ZNF3: variants seen among roughly 807,000 people sequenced by gnomAD.
ZNF3 encodes the protein zinc finger protein 3.
Under a neutral mutation model 36.9 loss-of-function variants are expected in ZNF3, and 16 were observed. The observed-to-expected ratio is 0.43, with a 90% CI of 0.29 to 0.66. The LOEUF (loss-of-function observed/expected upper bound fraction) is 0.66, where lower values mean the gene tolerates loss of function less well. Among genes scored for constraint, ZNF3 ranks in the 30% least tolerant of loss-of-function variants. The pLI, the probability that ZNF3 is intolerant of heterozygous loss-of-function variation, is 0.13. For synonymous variants in ZNF3, 201 were observed against 201.9 expected (o/e 1.00, Z 0.04); for missense variants, 462 against 543.1 (o/e 0.85, Z 1.48).
chr7:100,066,562 T>A (rs561102188), downstream of ZNF3, among the ~76,000 whole-genome samples: 418 of 147,604 alleles, frequency 2.8e-3, no homozygotes, highest in African/African-American at 9.9e-3. Flanking sequence ...AACCCCATCT[T>A]TACTAAAAAT....
chr7:100,077,469 CA>C (rs202123831), intron 2 of ZNF3, 36 bp from the exon 3 acceptor site: 3 of 1,565,892 alleles, frequency 1.9e-6, no homozygotes, highest in East Asian at 2.3e-5. Context: ...AAAGATAATT[CA>C]AAAAAACCTC....
intron 5 of ZNF3, 85 bp from the exon 6 acceptor site, chr7:100,072,297 C>T (rs1203092613): frequency 8.8e-6 from 11 of 1,250,138 alleles, no homozygotes; most frequent in Non-Finnish European, 1.2e-5. Flanking sequence ...GTAACGAATA[C>T]TTACAGTGCC....
At chr7:100,065,346 C>T (rs1027935418), downstream of ZNF3, among the ~76,000 whole-genome samples, 2 of 151,540 alleles carry the variant, frequency 1.3e-5, no homozygotes, top group Non-Finnish European at 2.9e-5. Flanking sequence ...ATCGCTTGAA[C>T]CCGGGAGGCA....
rs911882954 is a variant in ZNF3 at position 100,070,162 on chromosome 7, T to C, written c.*981A>G. The C allele has an allele frequency of 2.1e-6, 2 of 967,152 alleles. No homozygotes were observed. Among genetic ancestry groups the C allele is most frequent in the African/African-American group, 3.7e-5 (2 of 53,492 alleles). The allele number at this position is 967,152 out of a possible 1,614,324, so 59.9% of individuals were successfully genotyped here. A position where few individuals can be genotyped will look rare whatever the true frequency, so the allele number is the denominator to read the frequency against. The stretch of plus-strand genomic sequence containing the variant: ...TTCTCTGGGCTTCGTTTTTTTGTTT[T>C]TTTGTTTTTTTTTTCTCCCTTTTGG... On this transcript the variant is annotated 3_prime_UTR_variant, in exon 6 of 6. Coordinates refer to ENST00000299667, the MANE Select transcript of ZNF3 (RefSeq NM_032924.5).
At chr7:100,080,216 C>G (rs1383491684) in intron 1 of ZNF3, among the ~76,000 whole-genome samples, 1 of 152,190 alleles carries the variant, frequency 6.6e-6, no homozygotes, top group Non-Finnish European at 1.5e-5. Flanking sequence ...ACACTGTGCT[C>G]CGAACTACTT....
In ZNF3 at chr7:100,070,649, C is replaced by T. The variant is rs1044450951; in HGVS notation, c.*494G>A. The T allele has an allele frequency of 2.1e-5, 21 of 989,600 alleles. No individual in the cohort carries two copies. The highest frequency in any genetic ancestry group is 5.8e-5 in the Admixed American group (1 of 17,196). The allele number at this position is 989,600 out of a possible 1,614,324, so 61.3% of individuals were successfully genotyped here. On this transcript the variant is annotated 3_prime_UTR_variant, in exon 6 of 6. Transcript: ENST00000299667. ...CTCAATGCCAAATTTCCATAATTAA[C>T]GAAATCATGAAACAAAACAGCATGT...
rs188874086 is a variant in ZNF3 at position 100,071,003 on chromosome 7, A to G, written c.*140T>C. On this transcript the variant is annotated 3_prime_UTR_variant, in exon 6 of 6. Transcript: ENST00000299667. Reference sequence around the variant, plus strand: ...CTGGTGTGATTTCTGGGAAAATTCAACGATTTGCCCCATCTGCCCCATTCT... The same window carrying G: ...CTGGTGTGATTTCTGGGAAAATTCAGCGATTTGCCCCATCTGCCCCATTCT... The G allele has an allele frequency of 2.9e-5, 43 of 1,462,574 alleles. 1 individual carries two copies. In the Middle Eastern group the frequency reaches 7.8e-4, roughly 27 times the overall value. The allele number at this position is 1,462,574 out of a possible 1,614,324, so 90.6% of individuals were successfully genotyped here. A position where few individuals can be genotyped will look rare whatever the true frequency, so the allele number is the denominator to read the frequency against.
chr7:100,066,205 C>T (rs144899539), downstream of ZNF3, among the ~76,000 whole-genome samples: 2 of 151,990 alleles, frequency 1.3e-5, no homozygotes, highest in Non-Finnish European at 2.9e-5. Flanking sequence ...CAAATCAAAG[C>T]CTTATCCTGT....
exon 6 of ZNF3, chr7:100,064,598 G>C (rs1792541367): frequency 6.2e-7 from 1 of 1,613,898 alleles, no homozygotes; most frequent in African/African-American, 1.3e-5. Context: ...GTCCACACTG[G>C]AGAGGGAGAA....
chr7:100,069,789 T>G (rs1456836116), downstream of ZNF3, among the ~76,000 whole-genome samples: 1 of 152,116 alleles, frequency 6.6e-6, no homozygotes, highest in Admixed American at 6.6e-5. Context: ...AATTTTGTGT[T>G]TTTAGTAGAG....
At chr7:100,074,071 C>G (rs919829047) in intron 5 of ZNF3, among the ~76,000 whole-genome samples, 7 of 151,970 alleles carry the variant, frequency 4.6e-5, no homozygotes, top group African/African-American at 1.7e-4. Flanking sequence ...AGGAGAATTG[C>G]TTGAACGCAG....
Position 100,071,074 on chromosome 7 carries a change from G to GA in ZNF3, c.*68dup. On this transcript the variant is annotated 3_prime_UTR_variant, in exon 6 of 6. Transcript: ENST00000299667. ...TGAAAGGGACACATCCTAAGCTGTT[G>GA]AGATTTATAGGGTAAGGCAAGAGCT... 1.3e-6 allele frequency: 2 copies of GA among 1,517,734 alleles called. No individual in the cohort carries two copies. Among genetic ancestry groups the GA allele is most frequent in the Non-Finnish European group, 1.8e-6 (2 of 1,136,038 alleles). 94.0% of individuals were successfully genotyped at this position (1,517,734 alleles called of 1,614,324 possible).
At chr7:100,065,689 T>G (rs1193330207), downstream of ZNF3, among the ~76,000 whole-genome samples, 6 of 151,740 alleles carry the variant, frequency 4.0e-5, no homozygotes, top group Non-Finnish European at 8.8e-5. Context: ...GGGCAGGGTG[T>G]GCAGGAGTTT....
Position 100,072,066 on chromosome 7 carries a change from G to A in ZNF3, c.418C>T (p.Leu140=). The change falls in exon 6 of 6, where the codon CTG becomes TTG. Residue 140 remains leucine (L), a synonymous_variant. Transcript: ENST00000299667. ...AGTCTTTCTCCAGGGGAGTTCCCCA[G>A]CGGCCTTTTCAGACTGACTTCTCGT... is the stretch of plus-strand genomic sequence containing the variant. ...YEREVSLKRP[L]GNSPGERLNR... is the part of the protein sequence containing the mutation. 6.2e-7 allele frequency: 1 copy of A among 1,614,186 alleles called. No individual in the cohort carries two copies. Among genetic ancestry groups the A allele is most frequent in the Non-Finnish European group, 8.5e-7 (1 of 1,180,050 alleles).
At chr7:100,077,611 G>A (rs533069941) in intron 2 of ZNF3, 178 bp from the exon 3 acceptor site, 1 of 437,378 alleles carries the variant, frequency 2.3e-6, no homozygotes, top group Non-Finnish European at 3.7e-6. Context: ...GTGGAGAACA[G>A]GGTCTCGCTA....
chr7:100,071,855 T>A lies in ZNF3; in HGVS notation c.629A>T (p.Asn210Ile), dbSNP rs1393672199. The A allele has an allele frequency of 6.2e-7, 1 of 1,613,984 alleles. No individual in the cohort carries two copies. Among genetic ancestry groups the A allele is most frequent in the African/African-American group, 1.3e-5 (1 of 74,934 alleles). The change falls in exon 6 of 6, where the codon AAT (asparagine) becomes ATT (isoleucine). Residue 210 changes from asparagine (N) to isoleucine (I), a missense_variant. By Grantham distance (149) the Asn-to-Ile change is moderately radical. Transcript: ENST00000299667. ...HKCDECSKSF[N>I]RTSDLIQHQR... ...ATGTTGAATAAGGTCTGAAGTTCGA[T>A]TAAAGCTCTTGCTACATTCATCACA... is the stretch of plus-strand genomic sequence containing the variant.
downstream of ZNF3, among the ~76,000 whole-genome samples, chr7:100,068,825 T>A (rs923647835): frequency 6.8e-6 from 1 of 147,372 alleles, no homozygotes; most frequent in South Asian, 2.2e-4. Flanking sequence ...ACCCAGCTAA[T>A]TTTTTTTTTG....
At chr7:100,077,865 G>A (rs1794373103) in intron 2 of ZNF3, 1 of 153,014 alleles carries the variant, frequency 6.5e-6, no homozygotes, top group Non-Finnish European at 1.5e-5. Context: ...AAGTAGCTGG[G>A]ATTACAGGCA....
rs774954694 is a variant in ZNF3 at position 100,071,173 on chromosome 7, C to T, written c.1311G>A (p.Thr437=). Residue 437 remains threonine, a synonymous_variant, in exon 6 of 6, where the codon ACG becomes ACA. Transcript: ENST00000299667. ...IGMSKSSLRV[T]TELNIREST is the part of the protein sequence containing the mutation. Reference sequence around the variant, plus strand: ...TGGACTCTCTGATATTTAACTCGGTCGTAACTCTGAGGGAGCTTTTGCTCA... The same window carrying T: ...TGGACTCTCTGATATTTAACTCGGTTGTAACTCTGAGGGAGCTTTTGCTCA... 13 of 1,604,176 alleles carry T rather than the reference C, an allele frequency of 8.1e-6. No individual in the cohort carries two copies. The highest frequency in any genetic ancestry group is 4.5e-5 in the East Asian group (2 of 44,784).
Sources: gnomAD v4.1 joint callset for allele counts (sites outside exome capture counted in the v4.1 genomes callset) on GRCh38, gnomAD v4.1.1 for gene constraint, MANE v1.5 for transcripts, NCBI Gene and HGNC (gene_info 2026-07-23, HGNC 2026-07-21) for gene names.